IQCJ: variants seen among roughly 807,000 people sequenced by gnomAD.
IQCJ encodes IQ domain-containing protein J.
Under a neutral mutation model 11.0 loss-of-function variants are expected in IQCJ, and 9 were observed. That is an observed-to-expected ratio of 0.82 (90% confidence interval 0.49 to 1.43). The LOEUF (loss-of-function observed/expected upper bound fraction) is 1.43. IQCJ is among the 40% of genes most tolerant of loss of function. The pLI, the probability that IQCJ is intolerant of heterozygous loss-of-function variation, is 0.00. For synonymous variants in IQCJ, 55 were observed against 51.3 expected (o/e 1.07, Z -0.31); for missense variants, 146 against 133.2 (o/e 1.10, Z -0.47).
rs577524737 is a variant in IQCJ at position 159,196,464 on chromosome 3, A to G, written c.10-49379A>G. Among the ~76,000 whole-genome samples the G allele has an allele frequency of 1.6e-4, 24 of 152,330 alleles. No homozygotes were observed. In the South Asian group the frequency reaches 4.8e-3, roughly 30 times the overall value. On this transcript the variant is annotated intron_variant, in intron 1 of 3. Transcript: ENST00000397832. The stretch of plus-strand genomic sequence containing the variant: ...AACACTCAGGCCACATGCCAGAACA[A>G]TTCAGTCAGAATATCTGGGAGTAAG...
intron 1 of IQCJ, among the ~76,000 whole-genome samples, chr3:159,095,403 G>C (rs1276278419): frequency 2.0e-5 from 3 of 149,080 alleles, no homozygotes; most frequent in Non-Finnish European, 4.4e-5. Flanking sequence ...TAGGGTACAT[G>C]TGCACATTGT....
intron 1 of IQCJ, among the ~76,000 whole-genome samples, chr3:159,243,367 C>G (rs760824418): frequency 4.6e-5 from 7 of 152,090 alleles, no homozygotes; most frequent in Non-Finnish European, 1.0e-4. Flanking sequence ...GATATGAACA[C>G]AATTAGAATG....
At chr3:159,103,012 A>G (rs1231135960) in intron 1 of IQCJ, among the ~76,000 whole-genome samples, 1 of 152,152 alleles carries the variant, frequency 6.6e-6, no homozygotes, top group East Asian at 1.9e-4. Context: ...ATCAAAGTGC[A>G]TTTTCAAGCA....
intron 1 of IQCJ, among the ~76,000 whole-genome samples, chr3:159,125,193 G>A (rs1342818320): frequency 6.6e-6 from 1 of 152,192 alleles, no homozygotes; most frequent in Non-Finnish European, 1.5e-5. Flanking sequence ...TGTTACCTCT[G>A]TGATCTTCCT....
At chr3:159,154,848 C>T (rs537358755) in intron 1 of IQCJ, among the ~76,000 whole-genome samples, 7 of 152,248 alleles carry the variant, frequency 4.6e-5, no homozygotes, top group African/African-American at 1.4e-4. Context: ...TCTAATACAT[C>T]GACTACTTTT....
At chr3:159,125,331 G>T (rs767846279) in intron 1 of IQCJ, among the ~76,000 whole-genome samples, 1 of 152,148 alleles carries the variant, frequency 6.6e-6, no homozygotes, top group African/African-American at 2.4e-5. Context: ...AACTATCATG[G>T]CCAAGAGAAA....
At chr3:159,163,779 C>T (rs1382016915) in intron 1 of IQCJ, among the ~76,000 whole-genome samples, 1 of 152,140 alleles carries the variant, frequency 6.6e-6, no homozygotes, top group African/African-American at 2.4e-5. Context: ...ATTATCTGCC[C>T]AAGGTCACAC....
intron 1 of IQCJ, among the ~76,000 whole-genome samples, chr3:159,105,406 T>A (rs1718193213): frequency 6.6e-6 from 1 of 152,126 alleles, no homozygotes; most frequent in African/African-American, 2.4e-5. Flanking sequence ...GACTAATTCA[T>A]TAAGACAATT....
chr3:159,076,477 T>A (rs1715925188), intron 1 of IQCJ, among the ~76,000 whole-genome samples: 1 of 152,122 alleles, frequency 6.6e-6, no homozygotes, highest in East Asian at 1.9e-4. Flanking sequence ...AAACCCCTTA[T>A]ATGTCTCATT....
intron 1 of IQCJ, among the ~76,000 whole-genome samples, chr3:159,153,192 A>G (rs1047276346): frequency 6.6e-6 from 1 of 152,232 alleles, no homozygotes; most frequent in Non-Finnish European, 1.5e-5. Flanking sequence ...AATTATATTA[A>G]TACATAAACT....
chr3:159,101,348 G>A (rs969923356), intron 1 of IQCJ, among the ~76,000 whole-genome samples: 1 of 152,052 alleles, frequency 6.6e-6, no homozygotes, highest in Non-Finnish European at 1.5e-5. Flanking sequence ...CAGGCTGGGA[G>A]CTGTAGACCG....
chr3:159,222,211 C>T (rs1725591815), intron 1 of IQCJ, among the ~76,000 whole-genome samples: 1 of 152,080 alleles, frequency 6.6e-6, no homozygotes, highest in Non-Finnish European at 1.5e-5. Context: ...TTCCTTGCAG[C>T]ATTATTCACA....
chr3:159,251,989 T>C (rs1727630922), intron 2 of IQCJ, among the ~76,000 whole-genome samples: 1 of 152,242 alleles, frequency 6.6e-6, no homozygotes, highest in East Asian at 1.9e-4. Context: ...GCCTATTTCC[T>C]TTTGTTCTCC....
intron 1 of IQCJ, among the ~76,000 whole-genome samples, chr3:159,094,501 C>A (rs1717586466): frequency 6.9e-6 from 1 of 144,182 alleles, no homozygotes; most frequent in Non-Finnish European, 1.5e-5. Flanking sequence ...ATTCTAGAGC[C>A]AGCATAGGTC....
rs141875986 is a variant in IQCJ, at chr3:159,186,371, T to C, written c.10-59472T>C. Among the ~76,000 whole-genome samples the C allele has an allele frequency of 2.7e-3, 416 of 152,354 alleles. 1 individual carries two copies. Among genetic ancestry groups the C allele is most frequent in the African/African-American group, 9.6e-3 (399 of 41,582 alleles). ...TAATTTTTAGGATCCTAAATCATAATTAAACTAATCCTTCAAATATGGTGT... is the reference window on the plus strand; with the variant it reads ...TAATTTTTAGGATCCTAAATCATAACTAAACTAATCCTTCAAATATGGTGT... On this transcript the variant is annotated intron_variant, in intron 1 of 3. Transcript: ENST00000397832.
At chr3:159,141,101 A>C (rs942784449) in intron 1 of IQCJ, among the ~76,000 whole-genome samples, 5 of 152,228 alleles carry the variant, frequency 3.3e-5, no homozygotes, top group African/African-American at 1.2e-4. Flanking sequence ...GCCAGGAACA[A>C]CTGTTTCCCA....
chr3:159,198,565 C>T (rs557771979), intron 1 of IQCJ, among the ~76,000 whole-genome samples: 1 of 152,174 alleles, frequency 6.6e-6, no homozygotes, highest in Admixed American at 6.5e-5. Context: ...AAAGGGAGTT[C>T]AGTGAAATAA....
intron 1 of IQCJ, among the ~76,000 whole-genome samples, chr3:159,200,030 C>CTATATATATATATATATATA (rs368929112): frequency 0.032 from 3,704 of 117,198 alleles, 92 homozygotes; most frequent in South Asian, 0.054. Flanking sequence ...GAGTAAACGA[C>CTATATATATATATATATATA]TATATATATA....
In IQCJ at chr3:159,069,705, A is replaced by G. The variant is rs1483702229; in HGVS notation, c.9+264A>G. ...CACTAAAGGAATCTCATTGAAAGCA[A>G]CACTTCCTATGAACATCCAGATTTT... On this transcript the variant is annotated intron_variant, in intron 1 of 3. Transcript: ENST00000397832. The G allele has an allele frequency of 3.1e-5, 18 of 580,682 alleles. No individual in the cohort carries two copies. In the East Asian group the frequency reaches 5.8e-4, roughly 19 times the overall value. The allele number at this position is 580,682 out of a possible 1,614,324, so 36.0% of individuals were successfully genotyped here. A position where few individuals can be genotyped will look rare whatever the true frequency, so the allele number is the denominator to read the frequency against.
Sources: allele counts gnomAD v4.1 joint callset (sites outside exome capture counted in the v4.1 genomes callset), GRCh38; gene constraint gnomAD v4.1.1; transcripts MANE v1.5; gene names NCBI Gene and HGNC (gene_info 2026-07-23, HGNC 2026-07-21).